Variants in GPT2 observed in about 807,000 individuals in gnomAD.
GPT2 encodes glutamic--pyruvic transaminase 2.
In GPT2, 30 loss-of-function variants were observed where a neutral mutation model predicts 56.9. The ratio of observed to expected loss-of-function variants is 0.53; its 90% confidence interval spans 0.39 to 0.72. The LOEUF is 0.72. Among genes scored for constraint, GPT2 ranks in the 30% least tolerant of loss-of-function variants. GPT2 has a pLI of 0.00. For synonymous variants in GPT2, 271 were observed against 283.1 expected (o/e 0.96, Z 0.43); for missense variants, 542 against 703.4 (o/e 0.77, Z 2.60).
intron 2 of GPT2, among the ~76,000 whole-genome samples, chr16:46,894,856 G>A (rs1229072533): frequency 2.0e-5 from 3 of 152,046 alleles, no homozygotes; most frequent in Non-Finnish European, 4.4e-5. Context: ...TAGTAGAGAC[G>A]GGGTTTCACT....
intron 11 of GPT2, among the ~76,000 whole-genome samples, chr16:46,927,990 T>C (rs1335492890): frequency 6.6e-6 from 1 of 152,098 alleles, no homozygotes; most frequent in Non-Finnish European, 1.5e-5. Context: ...AATCTCTCTC[T>C]CAAACTCTAG....
At chr16:46,898,446 G>A (rs1185866477) in intron 3 of GPT2, among the ~76,000 whole-genome samples, 2 of 152,240 alleles carry the variant, frequency 1.3e-5, no homozygotes, top group Non-Finnish European at 2.9e-5. Flanking sequence ...TGGAGGCGGT[G>A]GGGTGGGAGA....
rs527838833 is a variant in GPT2 at position 46,930,349 on chromosome 16, G to C, written c.*1352G>C. The C allele has an allele frequency of 2.0e-5, 3 of 152,452 alleles. No individual in the cohort carries two copies. The highest frequency in any genetic ancestry group is 2.1e-4 in the South Asian group (1 of 4,834). The allele number at this position is 152,452 out of a possible 1,614,324, so 9.4% of individuals were successfully genotyped here. Reference sequence around the variant, plus strand: ...CCTTCCCCAGTGGGAAGTTAGGGAAGCTCAGGAGCCTGGGACCCCGCATGT... The same window carrying C: ...CCTTCCCCAGTGGGAAGTTAGGGAACCTCAGGAGCCTGGGACCCCGCATGT... On this transcript the variant is annotated 3_prime_UTR_variant, in exon 12 of 12. Transcript: ENST00000340124.
At chr16:46,898,663 C>T (rs1960733974) in intron 3 of GPT2, among the ~76,000 whole-genome samples, 1 of 152,024 alleles carries the variant, frequency 6.6e-6, no homozygotes, top group Non-Finnish European at 1.5e-5. Context: ...AACTTTCCTG[C>T]CTCAGCCTCC....
chr16:46,921,071 AT>A (rs1334673747), intron 8 of GPT2, among the ~76,000 whole-genome samples: 1 of 152,054 alleles, frequency 6.6e-6, no homozygotes, highest in Non-Finnish European at 1.5e-5. Flanking sequence ...AGATGTTAGA[AT>A]TTATCTTCCC....
intron 10 of GPT2, among the ~76,000 whole-genome samples, chr16:46,926,690 C>T (rs1036514426): frequency 2.0e-5 from 3 of 152,200 alleles, no homozygotes; most frequent in Non-Finnish European, 4.4e-5. Flanking sequence ...TGCCCGATGA[C>T]GGGCAGGAGG....
At chr16:46,905,020 A>T (rs989139792) in intron 4 of GPT2, among the ~76,000 whole-genome samples, 1 of 151,096 alleles carries the variant, frequency 6.6e-6, no homozygotes, top group Non-Finnish European at 1.5e-5. Context: ...AATGCTGCGC[A>T]GAGAGGCTGA....
Position 46,909,828 on chromosome 16 carries a change from T to C in GPT2, c.721T>C (p.Trp241Arg). 1 of 1,614,158 alleles carries C rather than the reference T, an allele frequency of 6.2e-7. No individual in the cohort carries two copies. The highest frequency in any genetic ancestry group is 1.1e-5 in the South Asian group (1 of 91,084). ...TTACTACCTGGACGAGGAGAACTGC[T>C]GGGCGCTGAATGTGAATGAGCTCCG... Reference protein sequence around the residue: ...VNYYLDEENCWALNVNELRRA... With the variant: ...VNYYLDEENCRALNVNELRRA... The change falls in exon 6 of 12, where the codon TGG (tryptophan) becomes CGG (arginine). Residue 241 changes from tryptophan (W) to arginine (R), a missense_variant. Physicochemically the swap from Trp to Arg is moderately radical, Grantham distance 101 (BLOSUM62 -3). Transcript: ENST00000340124.
intron 4 of GPT2, among the ~76,000 whole-genome samples, chr16:46,902,889 G>T (rs1233952692): frequency 1.3e-5 from 2 of 152,120 alleles, no homozygotes; most frequent in Non-Finnish European, 2.9e-5. Context: ...CTCCCAAAGT[G>T]CTGGGATTAT....
chr16:46,905,771 G>A (rs965139488), intron 4 of GPT2, among the ~76,000 whole-genome samples: 6 of 152,088 alleles, frequency 3.9e-5, no homozygotes, highest in Non-Finnish European at 8.8e-5. Flanking sequence ...TGCACACATC[G>A]ATGTCTCCCC....
intron 2 of GPT2, chr16:46,885,385 A>C: frequency 8.4e-6 from 2 of 237,760 alleles, no homozygotes; most frequent in Non-Finnish European, 9.4e-6. Flanking sequence ...CATTTTAGGT[A>C]GGAGGGGAGA....
At chr16:46,916,214 C>T (rs1052308279) in intron 6 of GPT2, 3 of 157,956 alleles carry the variant, frequency 1.9e-5, no homozygotes, top group East Asian at 1.8e-4. Context: ...GGCATGGTGG[C>T]GCATGCCTGT....
At chr16:46,897,822 C>A in intron 3 of GPT2, 85 bp downstream of exon 3, 1 of 1,150,166 alleles carries the variant, frequency 8.7e-7, no homozygotes, top group Non-Finnish European at 1.3e-6. Context: ...TCTGCCCCCT[C>A]GATGTCCAGG....
At chr16:46,921,639 G>T (rs527379535) in intron 8 of GPT2, among the ~76,000 whole-genome samples, 1 of 152,146 alleles carries the variant, frequency 6.6e-6, no homozygotes, top group Non-Finnish European at 1.5e-5. Context: ...GATGTATGTT[G>T]CTGATTTGGT....
rs1961503458 is a variant in GPT2 at position 46,929,921 on chromosome 16, G to A, written c.*924G>A. The stretch of plus-strand genomic sequence containing the variant: ...CTGCTGGCGACAGCGGGGAAATGAG[G>A]GCTGAAAATATCCTCCCCACAAGGG... On this transcript the variant is annotated 3_prime_UTR_variant, in exon 12 of 12. Coordinates refer to ENST00000340124, the MANE Select transcript of GPT2 (RefSeq NM_133443.4). 1 of 152,568 alleles carries A rather than the reference G, an allele frequency of 6.6e-6. No homozygotes were observed. The highest frequency in any genetic ancestry group is 1.5e-5 in the Non-Finnish European group (1 of 68,240). The allele number at this position is 152,568 out of a possible 1,614,324, so 9.5% of individuals were successfully genotyped here.
chr16:46,886,880 T>C (rs2143317511), intron 2 of GPT2, among the ~76,000 whole-genome samples: 1 of 152,286 alleles, frequency 6.6e-6, no homozygotes, highest in African/African-American at 2.4e-5. Flanking sequence ...CTGAGTTAGT[T>C]GAGTTTTTTT....
rs1960928561 is a variant in GPT2 at position 46,906,479 on chromosome 16, T to C, written c.443-363T>C. 2.0e-5 allele frequency among the ~76,000 whole-genome samples: 3 copies of C among 152,304 alleles called. No homozygotes were observed. The South Asian group carries it at 6.2e-4, about 32-fold the overall frequency. ...CTCTAGTGACTGACATTGTCACAGA[T>C]CACATATAAATCCGAGGAGGGTGGG... On this transcript the variant is annotated intron_variant, in intron 4 of 11. Transcript: ENST00000340124.
chr16:46,898,947 C>CAT (rs10648872), intron 3 of GPT2, among the ~76,000 whole-genome samples: 135,087 of 136,562 alleles, frequency 0.99, 66,834 homozygotes, highest in Middle Eastern at 1. Flanking sequence ...TATACACACA[C>CAT]ATATATGTGT....
At chr16:46,928,793 G>A (rs947755005) in intron 11 of GPT2, 114 bp from the exon 12 acceptor site, 24 of 766,394 alleles carry the variant, frequency 3.1e-5, no homozygotes, top group Admixed American at 1.2e-4. Context: ...TGGAGCTGTC[G>A]AAGCAGACCA....
Sources: allele counts gnomAD v4.1 joint callset (sites outside exome capture counted in the v4.1 genomes callset), GRCh38; gene constraint gnomAD v4.1.1; transcripts MANE v1.5; gene names NCBI Gene and HGNC (gene_info 2026-07-23, HGNC 2026-07-21).